SNTG2: variants seen among roughly 807,000 people sequenced by gnomAD.
SNTG2 encodes syntrophin gamma 2.
SNTG2 carries 74 observed loss-of-function variants against 70.9 expected under a neutral mutation model. The observed-to-expected ratio is 1.04, with a 90% CI of 0.86 to 1.27. The LOEUF (loss-of-function observed/expected upper bound fraction) is 1.27, where lower values mean the gene tolerates loss of function less well. SNTG2 is among the 50% of genes most tolerant of loss of function. The pLI, the probability that SNTG2 is intolerant of heterozygous loss-of-function variation, is 0.00. For missense variants in SNTG2, 717 were observed against 690.7 expected (o/e 1.04, Z -0.43); for synonymous variants, 278 against 273.8 (o/e 1.02, Z -0.15).
Position 1,197,525 on chromosome 2 carries a change from G to GTATGTATATA in SNTG2, c.592-11577_592-11576insATGTATATAT, listed in dbSNP as rs57334782. Among the ~76,000 whole-genome samples, 745 of 94,994 alleles carry GTATGTATATA rather than the reference G, an allele frequency of 7.8e-3. 66 individuals are homozygous for GTATGTATATA. The highest frequency in any genetic ancestry group is 0.031 in the East Asian group (52 of 1,690). The allele number at this position is 94,994 out of a possible 152,430, so 62.3% of individuals were successfully genotyped here. On this transcript the variant is annotated intron_variant, in intron 8 of 16. Coordinates refer to ENST00000308624, the MANE Select transcript of SNTG2 (RefSeq NM_018968.4). Reference sequence around the variant, plus strand: ...TGTGTATGTATATATATGTGTGTGTGTGTGTGTGTGTGTGTGTGTGTGTGT... The same window carrying GTATGTATATA: ...TGTGTATGTATATATATGTGTGTGTGTATGTATATATGTGTGTGTGTGTGTGTGTGTGTGT...
At chr2:985,000 A>G (rs1249054746) in intron 1 of SNTG2, among the ~76,000 whole-genome samples, 1 of 152,104 alleles carries the variant, frequency 6.6e-6, no homozygotes, top group Non-Finnish European at 1.5e-5. Context: ...TTGCTGGGGG[A>G]GTTTTTCTGT....
intron 1 of SNTG2, among the ~76,000 whole-genome samples, chr2:993,215 T>C: frequency 7.7e-6 from 1 of 130,250 alleles, no homozygotes; most frequent in Non-Finnish European, 1.6e-5. Flanking sequence ...CCCAATGCTA[T>C]CCCTCCCCCC....
intron 14 of SNTG2, among the ~76,000 whole-genome samples, chr2:1,303,877 T>A (rs1003216955): frequency 2.0e-5 from 3 of 152,234 alleles, no homozygotes; most frequent in Admixed American, 6.5e-5. Context: ...AGAGACTGTT[T>A]CCTCGTAAAC....
intron 8 of SNTG2, among the ~76,000 whole-genome samples, chr2:1,184,575 A>G (rs900695987): frequency 6.6e-6 from 1 of 152,182 alleles, no homozygotes; most frequent in African/African-American, 2.4e-5. Context: ...TCATGGTAGA[A>G]AGTGAAGAGG....
chr2:1,249,893 G>A (rs1344523520), intron 12 of SNTG2, among the ~76,000 whole-genome samples: 2 of 152,146 alleles, frequency 1.3e-5, no homozygotes, highest in African/African-American at 2.4e-5. Context: ...ACACTGGCCG[G>A]GCAGTGCAGC....
chr2:965,472 T>C (rs956740053), intron 1 of SNTG2, among the ~76,000 whole-genome samples: 2 of 149,554 alleles, frequency 1.3e-5, no homozygotes, highest in South Asian at 4.3e-4. Context: ...TCCTCCTCCT[T>C]GACTTGGTCC....
At chr2:1,312,400 A>G (rs1681044213) in intron 15 of SNTG2, among the ~76,000 whole-genome samples, 1 of 152,098 alleles carries the variant, frequency 6.6e-6, no homozygotes, top group African/African-American at 2.4e-5. Flanking sequence ...CTCCTGTTCC[A>G]TGTAATTAAT....
chr2:1,167,705 G>A (rs1670824204), intron 7 of SNTG2, among the ~76,000 whole-genome samples: 1 of 80,754 alleles, frequency 1.2e-5, no homozygotes, highest in Non-Finnish European at 2.4e-5. Flanking sequence ...GCCCACAGAC[G>A]GCAGAACTGA....
chr2:984,664 C>T (rs4971352), intron 1 of SNTG2, among the ~76,000 whole-genome samples: 14,439 of 152,224 alleles, frequency 0.095, 907 homozygotes, highest in South Asian at 0.2. Context: ...TCACTTGGCA[C>T]ATCCTGCCAT....
In SNTG2 at chr2:1,132,607, G is replaced by C. The variant is rs116448990; in HGVS notation, c.326-5015G>C. 5.7e-3 allele frequency among the ~76,000 whole-genome samples: 866 copies of C among 152,342 alleles called. 5 individuals are homozygous for C. Among genetic ancestry groups the C allele is most frequent in the African/African-American group, 0.02 (820 of 41,584 alleles). Reference sequence around the variant, plus strand: ...TGTTTCTAGGTTGTCTGTTCTGGAGGCAGTGGGTAGGGATTGAGGGGGTGA... The same window carrying C: ...TGTTTCTAGGTTGTCTGTTCTGGAGCCAGTGGGTAGGGATTGAGGGGGTGA... On this transcript the variant is annotated intron_variant, in intron 4 of 16. Transcript: ENST00000308624.
chr2:1,248,151 A>G (rs987696643), intron 12 of SNTG2, among the ~76,000 whole-genome samples: 1 of 152,258 alleles, frequency 6.6e-6, no homozygotes, highest in African/African-American at 2.4e-5. Context: ...ATGAAAAGAT[A>G]AAACCAAGTT....
intron 1 of SNTG2, among the ~76,000 whole-genome samples, chr2:965,155 GT>G (rs1660496213): frequency 7.1e-6 from 1 of 141,350 alleles, no homozygotes; most frequent in African/African-American, 2.7e-5. Flanking sequence ...CTGGTCCCCA[GT>G]CCTCCTCCTT....
intron 10 of SNTG2, among the ~76,000 whole-genome samples, chr2:1,239,250 T>C (rs142668607): frequency 0.97 from 148,034 of 152,276 alleles, 71,980 homozygotes; most frequent in East Asian, 1. Flanking sequence ...GACTCTGAGC[T>C]GCCTCCCGGC....
At chr2:971,980 T>A (rs926361555) in intron 1 of SNTG2, among the ~76,000 whole-genome samples, 1 of 152,180 alleles carries the variant, frequency 6.6e-6, no homozygotes, top group Non-Finnish European at 1.5e-5. Flanking sequence ...TTTCTTGTTA[T>A]TGATTTCTAT....
chr2:1,141,025 G>A (rs1194537743), intron 6 of SNTG2, among the ~76,000 whole-genome samples: 1 of 152,090 alleles, frequency 6.6e-6, no homozygotes, highest in East Asian at 1.9e-4. Flanking sequence ...ATCTTATGTT[G>A]GGAAAAATGG....
intron 10 of SNTG2, among the ~76,000 whole-genome samples, chr2:1,239,000 G>A (rs1382480996): frequency 6.6e-6 from 1 of 152,186 alleles, no homozygotes; most frequent in East Asian, 1.9e-4. Flanking sequence ...AGACCTCAGG[G>A]GCTTCCTTTC....
chr2:1,064,680 G>A (rs1663040728), intron 1 of SNTG2, among the ~76,000 whole-genome samples: 1 of 152,096 alleles, frequency 6.6e-6, no homozygotes, highest in Admixed American at 6.5e-5. Context: ...GAATCTACAT[G>A]TTTTAGAAAA....
intron 14 of SNTG2, among the ~76,000 whole-genome samples, chr2:1,290,964 A>G (rs1490052861): frequency 6.6e-6 from 1 of 152,240 alleles, no homozygotes; most frequent in Non-Finnish European, 1.5e-5. Context: ...GCAATAGTAC[A>G]CAAGGGTTCT....
intron 6 of SNTG2, among the ~76,000 whole-genome samples, chr2:1,139,619 G>GC (rs1668618840): frequency 6.6e-6 from 1 of 152,184 alleles, no homozygotes; most frequent in Middle Eastern, 3.4e-3. Context: ...TGAGGCCAGA[G>GC]GTTCAAGTCC....
Sources: allele counts gnomAD v4.1 joint callset (sites outside exome capture counted in the v4.1 genomes callset), GRCh38; gene constraint gnomAD v4.1.1; transcripts MANE v1.5; gene names NCBI Gene and HGNC (gene_info 2026-07-23, HGNC 2026-07-21).